The following PPP5C variants were observed in gnomAD, a reference collection of about 807,000 sequenced individuals.
PPP5C encodes the protein protein phosphatase 5 catalytic subunit.
A neutral mutation model predicts 66.7 loss-of-function variants in PPP5C; 21 were observed. The ratio of observed to expected loss-of-function variants is 0.31; its 90% confidence interval spans 0.22 to 0.45. The LOEUF (loss-of-function observed/expected upper bound fraction) is 0.45. Among genes scored for constraint, PPP5C ranks in the 20% least tolerant of loss-of-function variants. PPP5C has a pLI of 1.00. For missense variants in PPP5C, 464 were observed against 675.9 expected (o/e 0.69, Z 3.48); for synonymous variants, 246 against 257.4 (o/e 0.96, Z 0.43).
intron 1 of PPP5C, among the ~76,000 whole-genome samples, chr19:46,350,879 A>C (rs1246460487): frequency 6.6e-6 from 1 of 152,060 alleles, no homozygotes; most frequent in Non-Finnish European, 1.5e-5. Flanking sequence ...TGAGGAGAAG[A>C]GGGGCCCCAG....
At chr19:46,369,101 A>C (rs1457237774) in intron 2 of PPP5C, among the ~76,000 whole-genome samples, 1 of 152,208 alleles carries the variant, frequency 6.6e-6, no homozygotes, top group East Asian at 1.9e-4. Context: ...CCACATGCAT[A>C]GGTATAGTCA....
intron 2 of PPP5C, among the ~76,000 whole-genome samples, chr19:46,361,436 C>A (rs922196816): frequency 6.9e-6 from 1 of 144,626 alleles, no homozygotes; most frequent in African/African-American, 2.5e-5. Flanking sequence ...GCTGAAAAAT[C>A]TTTTATTATC....
At position 46,390,954 on chromosome 19, in the gene PPP5C, C is replaced by T. The variant is rs1195923304; in HGVS notation, c.*608C>T. On this transcript the variant is annotated 3_prime_UTR_variant, in exon 13 of 13. Transcript: ENST00000012443. ...AGGCCGCAAAGTCCCGCTGGCCGGGCCCACCCAGCTCTGGGCTGACCGCCC... is the reference window on the plus strand; with the variant it reads ...AGGCCGCAAAGTCCCGCTGGCCGGGTCCACCCAGCTCTGGGCTGACCGCCC... 12 of 1,182,002 alleles carry T rather than the reference C, an allele frequency of 1.0e-5. No individual in the cohort carries two copies. The highest frequency in any genetic ancestry group is 1.2e-5 in the Non-Finnish European group (11 of 935,454). The allele number at this position is 1,182,002 out of a possible 1,614,324, so 73.2% of individuals were successfully genotyped here.
At chr19:46,389,950 T>G in intron 11 of PPP5C, 101 bp from the exon 12 acceptor site, 1 of 1,029,708 alleles carries the variant, frequency 9.7e-7, no homozygotes, top group Non-Finnish European at 1.5e-6. Context: ...GCTCTGTCCC[T>G]CCCTCTCCCT....
chr19:46,375,834 T>C, intron 3 of PPP5C, 83 bp downstream of exon 3: 2 of 1,497,926 alleles, frequency 1.3e-6, no homozygotes, highest in Admixed American at 2.1e-5. Context: ...GGGGTTGGGC[T>C]CAGGGGTGGC....
chr19:46,359,278 T>C (rs943265194), intron 2 of PPP5C, among the ~76,000 whole-genome samples: 7 of 152,116 alleles, frequency 4.6e-5, no homozygotes, highest in Admixed American at 3.9e-4. Context: ...CTGTGTCCAA[T>C]CATCTCTAGT....
chr19:46,387,715 A>G, intron 9 of PPP5C: 1 of 1,400,992 alleles, frequency 7.1e-7, no homozygotes, highest in Non-Finnish European at 9.4e-7. Context: ...TTGTGAGTTC[A>G]GCTGTGGAAC....
chr19:46,370,551 A>G (rs113014549), intron 2 of PPP5C, among the ~76,000 whole-genome samples: 5 of 152,144 alleles, frequency 3.3e-5, no homozygotes, highest in East Asian at 3.9e-4. Flanking sequence ...AAAAATGTCC[A>G]TGGTGGTTCG....
At chr19:46,375,510 TC>T in intron 2 of PPP5C, 93 bp from the exon 3 acceptor site, 1 of 1,532,046 alleles carries the variant, frequency 6.5e-7, no homozygotes, top group Non-Finnish European at 8.8e-7. Context: ...CGGTCTGACT[TC>T]CACTTTCATG....
chr19:46,350,527 G>T (rs1400430247), intron 1 of PPP5C, among the ~76,000 whole-genome samples: 1 of 152,178 alleles, frequency 6.6e-6, no homozygotes, highest in Non-Finnish European at 1.5e-5. Flanking sequence ...TGGCACGGAG[G>T]AGAACGGCCC....
chr19:46,381,073 A>G (rs762244457), intron 4 of PPP5C, among the ~76,000 whole-genome samples: 3 of 152,028 alleles, frequency 2.0e-5, no homozygotes, highest in African/African-American at 4.8e-5. Flanking sequence ...TTTTTCCTCT[A>G]TGTATTTCAG....
At chr19:46,371,001 A>G (rs1244972184) in intron 2 of PPP5C, among the ~76,000 whole-genome samples, 2 of 152,028 alleles carry the variant, frequency 1.3e-5, no homozygotes, top group Non-Finnish European at 2.9e-5. Context: ...CGGCCTCCCA[A>G]AGTGCTGGGA....
intron 1 of PPP5C, among the ~76,000 whole-genome samples, chr19:46,347,769 C>T (rs1178830533): frequency 1.3e-5 from 2 of 151,970 alleles, no homozygotes; most frequent in Non-Finnish European, 2.9e-5. Context: ...AATAGTATCA[C>T]TTAGAATATT....
Position 46,390,889 on chromosome 19 carries a change from G to GGGTT in PPP5C, c.*546_*549dup, listed in dbSNP as rs1973011071. The GGGTT allele has an allele frequency of 2.6e-6, 3 of 1,151,674 alleles. No individual in the cohort carries two copies. Among genetic ancestry groups the GGGTT allele is most frequent in the Non-Finnish European group, 3.3e-6 (3 of 919,664 alleles). 71.3% of individuals were successfully genotyped at this position (1,151,674 alleles called of 1,614,324 possible). On this transcript the variant is annotated 3_prime_UTR_variant, in exon 13 of 13. Coordinates refer to ENST00000012443, the MANE Select transcript of PPP5C (RefSeq NM_006247.4). ...GATGGTGGAGCCGAAGGAGCTGCCC[G>GGGTT]GGTTGGGTTACGCCTGCTCAGGAGA...
At chr19:46,377,320 C>G (rs1601436365) in intron 4 of PPP5C, among the ~76,000 whole-genome samples, 2 of 152,316 alleles carry the variant, frequency 1.3e-5, no homozygotes, top group East Asian at 3.9e-4. Context: ...CCTTGATTTC[C>G]TCCTCTGTGC....
At chr19:46,386,959 G>A (rs1222433666) in intron 7 of PPP5C, 134 bp from the exon 8 acceptor site, 1 of 1,252,352 alleles carries the variant, frequency 8.0e-7, no homozygotes, top group Non-Finnish European at 1.1e-6. Flanking sequence ...CAGTCTGGAA[G>A]GCACCGCAGT....
chr19:46,386,180 G>A (rs1031602089), intron 7 of PPP5C, among the ~76,000 whole-genome samples: 3 of 152,122 alleles, frequency 2.0e-5, no homozygotes, highest in Non-Finnish European at 1.5e-5. Context: ...CATGGGATGT[G>A]GGTGGGGTTC....
chr19:46,379,561 T>C lies in PPP5C; in HGVS notation c.633+2987T>C, dbSNP rs546251691. ...CAGCAATCATATGATTGCATTTCAATCTACTGTCTAGATGTCTCTTTTCTA... is the reference window on the plus strand; with the variant it reads ...CAGCAATCATATGATTGCATTTCAACCTACTGTCTAGATGTCTCTTTTCTA... On this transcript the variant is annotated intron_variant, in intron 4 of 12. Coordinates refer to ENST00000012443, the MANE Select transcript of PPP5C (RefSeq NM_006247.4). 2.0e-5 allele frequency among the ~76,000 whole-genome samples: 3 copies of C among 152,390 alleles called. No individual in the cohort carries two copies. In the South Asian group the frequency reaches 6.2e-4, roughly 32 times the overall value.
rs1279585602 is a variant in PPP5C at position 46,388,470 on chromosome 19, G to A, written c.1176+22G>A. 6.2e-7 allele frequency: 1 copy of A among 1,610,934 alleles called. No individual in the cohort carries two copies. Among genetic ancestry groups the A allele is most frequent in the East Asian group, 2.2e-5 (1 of 44,762 alleles). ...ACAGGTGAGTCTAGGGTGGGGTGCAGGGCCGGCGGGTGTGGGCTGTGGCAG... is the reference window on the plus strand; with the variant it reads ...ACAGGTGAGTCTAGGGTGGGGTGCAAGGCCGGCGGGTGTGGGCTGTGGCAG... On this transcript the variant is annotated intron_variant, in intron 10 of 12. Transcript: ENST00000012443. This position sits in a 1 kb window ranked among gnomAD's most constrained non-coding sequence, Gnocchi z 4.9.
Sources: gnomAD v4.1 joint callset for allele counts (sites outside exome capture counted in the v4.1 genomes callset) on GRCh38, gnomAD v4.1.1 for gene constraint, Gnocchi (gnomAD v3.1) non-coding constraint, MANE v1.5 for transcripts, NCBI Gene and HGNC (gene_info 2026-07-23, HGNC 2026-07-21) for gene names.